Variants in HHAT observed in about 807,000 individuals in gnomAD.
HHAT encodes protein-cysteine N-palmitoyltransferase HHAT.
Under a neutral mutation model 70.8 loss-of-function variants are expected in HHAT, and 47 were observed. The observed-to-expected ratio is 0.66, with a 90% CI of 0.53 to 0.85. The LOEUF is 0.85. Among genes scored for constraint, HHAT ranks in the 40% least tolerant of loss-of-function variants. The pLI is 0.00. For missense variants in HHAT, 609 were observed against 604.8 expected (o/e 1.01, Z -0.07); for synonymous variants, 228 against 247.6 (o/e 0.92, Z 0.74).
chr1:210,357,897 T>G (rs2087822156), intron 2 of HHAT, among the ~76,000 whole-genome samples: 1 of 152,218 alleles, frequency 6.6e-6, no homozygotes, highest in African/African-American at 2.4e-5. Flanking sequence ...ATGTGAAACT[T>G]ACATTAACTA....
chr1:210,332,452 A>T (rs2085078705), intron 1 of HHAT, among the ~76,000 whole-genome samples: 1 of 152,266 alleles, frequency 6.6e-6, no homozygotes. Context: ...GCAGTGACTC[A>T]TTAATCCTCT....
intron 9 of HHAT, among the ~76,000 whole-genome samples, chr1:210,562,029 A>G (rs2095627681): frequency 6.6e-6 from 1 of 152,212 alleles, no homozygotes; most frequent in African/African-American, 2.4e-5. Flanking sequence ...AACAAATACA[A>G]TGTAAACTTA....
At chr1:210,404,302 T>A (rs2092231423) in intron 5 of HHAT, among the ~76,000 whole-genome samples, 162 bp from the exon 6 acceptor site, 1 of 152,234 alleles carries the variant, frequency 6.6e-6, no homozygotes, top group African/African-American at 2.4e-5. Flanking sequence ...GGTTCTCGAC[T>A]GCCTTTTATG....
chr1:210,417,737 A>T (rs745334435), intron 6 of HHAT, among the ~76,000 whole-genome samples: 6 of 151,998 alleles, frequency 3.9e-5, no homozygotes, highest in Non-Finnish European at 7.4e-5. Flanking sequence ...GTTGACTGGG[A>T]CCTGCTTTTG....
At chr1:210,390,846 CTG>C (rs1373468535) in intron 4 of HHAT, among the ~76,000 whole-genome samples, 4 of 152,202 alleles carry the variant, frequency 2.6e-5, no homozygotes, top group African/African-American at 9.6e-5. Context: ...CTCTTTATGA[CTG>C]AGTAGTATTC....
chr1:210,506,030 A>G (rs916743231), intron 8 of HHAT, among the ~76,000 whole-genome samples: 1 of 152,208 alleles, frequency 6.6e-6, no homozygotes, highest in African/African-American at 2.4e-5. Flanking sequence ...GAGTTCTGCC[A>G]TGGACACGGT....
intron 11 of HHAT, among the ~76,000 whole-genome samples, chr1:210,649,571 G>T (rs11119559): frequency 0.32 from 48,756 of 152,168 alleles, 8,087 homozygotes; most frequent in East Asian, 0.39. Context: ...GATGGGCTGC[G>T]TGCAGCCATG....
intron 9 of HHAT, among the ~76,000 whole-genome samples, chr1:210,520,121 T>C (rs2095132028): frequency 6.6e-6 from 1 of 152,162 alleles, no homozygotes; most frequent in African/African-American, 2.4e-5. Flanking sequence ...ATTCAAGTGA[T>C]TCTCCTGCCT....
intron 9 of HHAT, among the ~76,000 whole-genome samples, chr1:210,543,415 C>CT (rs143511596): frequency 0.025 from 3,736 of 151,226 alleles, 155 homozygotes; most frequent in African/African-American, 0.085. Flanking sequence ...TCTCTTCACT[C>CT]TTTAAAAACT....
intron 2 of HHAT, among the ~76,000 whole-genome samples, chr1:210,352,750 C>T (rs779400003): frequency 1.6e-4 from 25 of 152,068 alleles, no homozygotes; most frequent in Non-Finnish European, 2.8e-4. Context: ...CCCCTTCTTC[C>T]CCCCAACTCT....
At chr1:210,662,003 TAATAA>T (rs750682942) in intron 11 of HHAT, among the ~76,000 whole-genome samples, 25 of 152,328 alleles carry the variant, frequency 1.6e-4, no homozygotes, top group South Asian at 6.2e-4. Context: ...TTTAAAAAAT[TAATAA>T]AATAAAATCT....
rs145376010 is a variant in HHAT, at chr1:210,392,894, C to T, written c.273+5313C>T. Among the ~76,000 whole-genome samples the T allele has an allele frequency of 3.4e-3, 513 of 152,246 alleles. 2 individuals carry two copies. Among genetic ancestry groups the T allele is most frequent in the African/African-American group, 0.011 (477 of 41,518 alleles). On this transcript the variant is annotated intron_variant, in intron 4 of 11. Transcript: ENST00000261458. Reference sequence around the variant, plus strand: ...CCCCTCCCTCTTTCCAAACCTCCTCCACGTTCAGCTCCTGTTTCGCACCTG... The same window carrying T: ...CCCCTCCCTCTTTCCAAACCTCCTCTACGTTCAGCTCCTGTTTCGCACCTG...
intron 8 of HHAT, among the ~76,000 whole-genome samples, chr1:210,510,723 G>C (rs1231898713): frequency 6.6e-6 from 1 of 152,202 alleles, no homozygotes; most frequent in Non-Finnish European, 1.5e-5. Context: ...GGGCATACCA[G>C]TACCTGCCTC....
chr1:210,569,475 T>C (rs1295656833), intron 9 of HHAT, among the ~76,000 whole-genome samples: 1 of 151,388 alleles, frequency 6.6e-6, no homozygotes, highest in Non-Finnish European at 1.5e-5. Flanking sequence ...ATAATGTACC[T>C]ACATGTCTTT....
chr1:210,359,351 T>C (rs1228438572), intron 2 of HHAT, among the ~76,000 whole-genome samples: 2 of 152,060 alleles, frequency 1.3e-5, no homozygotes, highest in African/African-American at 4.8e-5. Context: ...GGCTTAGGAG[T>C]TATGTAGCTA....
intron 7 of HHAT, chr1:210,439,443 G>A (rs571298771): frequency 1.3e-5 from 2 of 151,844 alleles, no homozygotes; most frequent in African/African-American, 4.9e-5. Context: ...TCCACTCCCA[G>A]CTGCTGCAGC....
At chr1:210,354,144 T>G (rs1334638170) in intron 2 of HHAT, among the ~76,000 whole-genome samples, 3 of 152,218 alleles carry the variant, frequency 2.0e-5, no homozygotes, top group Non-Finnish European at 4.4e-5. Flanking sequence ...TCAAGTGTAT[T>G]TTAGTATATG....
intron 2 of HHAT, among the ~76,000 whole-genome samples, chr1:210,350,930 T>G (rs2086962606): frequency 6.6e-6 from 1 of 152,218 alleles, no homozygotes; most frequent in Admixed American, 6.5e-5. Flanking sequence ...TTCCCCTCTA[T>G]TCCTAGTTTT....
rs571405151 is a variant in HHAT, at chr1:210,434,222, A to G, written c.856+15897A>G. On this transcript the variant is annotated intron_variant, in intron 7 of 11. Transcript: ENST00000261458. Reference sequence around the variant, plus strand: ...GTGATTGACTTTGGTCATGGTTGCCACTGTTCATTCGGGGGAATATAGACC... The same window carrying G: ...GTGATTGACTTTGGTCATGGTTGCCGCTGTTCATTCGGGGGAATATAGACC... 3.0e-4 allele frequency among the ~76,000 whole-genome samples: 45 copies of G among 152,072 alleles called. 1 individual carries two copies. Among genetic ancestry groups the G allele is most frequent in the African/African-American group, 1.0e-3 (42 of 41,324 alleles).
Sources: allele counts gnomAD v4.1 joint callset (sites outside exome capture counted in the v4.1 genomes callset), GRCh38; gene constraint gnomAD v4.1.1; transcripts MANE v1.5; gene names NCBI Gene and HGNC (gene_info 2026-07-23, HGNC 2026-07-21).